TXNL1: variants seen among roughly 807,000 people sequenced by gnomAD.
The protein encoded by TXNL1 is thioredoxin-like protein 1.
In TXNL1, 14 loss-of-function variants were observed where a neutral mutation model predicts 35.5. That is an observed-to-expected ratio of 0.39 (90% confidence interval 0.26 to 0.62). TXNL1 has a LOEUF of 0.62. TXNL1 is among the 20% of genes least tolerant of loss of function. The pLI is 0.47. For synonymous variants in TXNL1, 110 were observed against 115.5 expected (o/e 0.95, Z 0.31); for missense variants, 263 against 349.7 (o/e 0.75, Z 1.98).
intron 7 of TXNL1, chr18:56,608,619 T>G (rs1334394594): frequency 1.3e-5 from 2 of 152,270 alleles, no homozygotes; most frequent in Admixed American, 6.5e-5. Context: ...TTTTTTGCCT[T>G]TTAGACTCTT....
chr18:56,605,722 T>C (rs2023881947), intron 7 of TXNL1, among the ~76,000 whole-genome samples: 1 of 152,316 alleles, frequency 6.6e-6, no homozygotes, highest in South Asian at 2.1e-4. Context: ...GCGTGATGCC[T>C]ATAAGAGCCA....
chr18:56,608,295 T>A (rs377307990), intron 7 of TXNL1: 7 of 152,216 alleles, frequency 4.6e-5, no homozygotes, highest in East Asian at 1.9e-4. Context: ...ATTGAAGTTG[T>A]TACTTTGTAC....
Position 56,600,934 on chromosome 18 carries a change from C to T in TXNL1, c.*2093G>A, listed in dbSNP as rs1412687732. 1 of 152,124 alleles carries T rather than the reference C, an allele frequency of 6.6e-6. No individual in the cohort carries two copies. 9.4% of individuals were successfully genotyped at this position (152,124 alleles called of 1,614,324 possible). ...TCAAAAGCACCTGATGTCAATGTAT[C>T]AAAATACAGAGATCATGAAATTCTT... On this transcript the variant is annotated 3_prime_UTR_variant, in exon 8 of 8. Coordinates refer to ENST00000217515, the MANE Select transcript of TXNL1 (RefSeq NM_004786.3).
At chr18:56,619,706 C>A (rs2024150955) in intron 3 of TXNL1, among the ~76,000 whole-genome samples, 1 of 152,034 alleles carries the variant, frequency 6.6e-6, no homozygotes, top group Non-Finnish European at 1.5e-5. Flanking sequence ...CACTTCCATA[C>A]CTCCCACACA....
At chr18:56,628,037 C>T (rs955089636) in intron 1 of TXNL1, among the ~76,000 whole-genome samples, 3 of 151,952 alleles carry the variant, frequency 2.0e-5, no homozygotes. Flanking sequence ...AAGACTGAAA[C>T]CCAAAAGAAA....
Position 56,602,467 on chromosome 18 carries a change from G to C in TXNL1, c.*560C>G, listed in dbSNP as rs942909036. 1 of 144,250 alleles carries C rather than the reference G, an allele frequency of 6.9e-6. No homozygotes were observed. Among genetic ancestry groups the C allele is most frequent in the African/African-American group, 2.6e-5 (1 of 38,466 alleles). 8.9% of individuals were successfully genotyped at this position (144,250 alleles called of 1,614,324 possible). A position where few individuals can be genotyped will look rare whatever the true frequency, so the allele number is the denominator to read the frequency against. ...TAAAATCTTGATATATACCAAGAAA[G>C]AATCTGTGGACCCATTAGCTAAGTT... On this transcript the variant is annotated 3_prime_UTR_variant, in exon 8 of 8. Coordinates refer to ENST00000217515, the MANE Select transcript of TXNL1 (RefSeq NM_004786.3).
chr18:56,628,729 T>C (rs1650491514), intron 1 of TXNL1, among the ~76,000 whole-genome samples: 1 of 152,238 alleles, frequency 6.6e-6, no homozygotes. Flanking sequence ...ATTAAATAGG[T>C]GTGTTCAGTT....
chr18:56,613,013 AT>A (rs976505162), intron 6 of TXNL1, among the ~76,000 whole-genome samples: 4 of 151,620 alleles, frequency 2.6e-5, no homozygotes, highest in Non-Finnish European at 5.9e-5. Flanking sequence ...TAGTTCTTGT[AT>A]TTTTTTGTAG....
At chr18:56,636,650 T>G (rs1179919781) in intron 1 of TXNL1, among the ~76,000 whole-genome samples, 1 of 152,228 alleles carries the variant, frequency 6.6e-6, no homozygotes, top group Non-Finnish European at 1.5e-5. Context: ...ATGCTTATGC[T>G]TAAGTGACAC....
intron 3 of TXNL1, among the ~76,000 whole-genome samples, chr18:56,622,521 A>C (rs544924476): frequency 7.5e-4 from 115 of 152,336 alleles, no homozygotes; most frequent in African/African-American, 2.7e-3. Context: ...TCAAAACTTT[A>C]ATGTCTTGAT....
intron 1 of TXNL1, among the ~76,000 whole-genome samples, chr18:56,630,674 T>G (rs1598924049): frequency 6.6e-6 from 1 of 152,208 alleles, no homozygotes; most frequent in Admixed American, 6.5e-5. Context: ...ATCTTGCAGC[T>G]GAACAGACTA....
At chr18:56,610,922 T>C (rs970243798) in intron 7 of TXNL1, 71 bp downstream of exon 7, 3 of 996,532 alleles carry the variant, frequency 3.0e-6, no homozygotes, top group African/African-American at 1.7e-5. Context: ...AGTGTGACAG[T>C]TGAGATACAT....
Position 56,616,308 on chromosome 18 carries a change from T to C in TXNL1, c.499A>G (p.Ile167Val). 1 of 1,613,482 alleles carries C rather than the reference T, an allele frequency of 6.2e-7. No homozygotes were observed. Among genetic ancestry groups the C allele is most frequent in the Non-Finnish European group, 8.5e-7 (1 of 1,179,772 alleles). ...LESDCDEQLL[I>V]TVAFNQPVKL... ...ACAGGTTGATTGAATGCCACAGTAA[T>C]AAGCAGCTGTGAAGATAAGAGTTTC... Residue 167 changes from isoleucine (I) to valine (V), a missense_variant, in exon 5 of 8, where the codon ATT becomes GTT. By Grantham distance (29) the Ile-to-Val change is conservative. Coordinates refer to ENST00000217515, the MANE Select transcript of TXNL1 (RefSeq NM_004786.3).
rs2023802256 is a variant in TXNL1, at chr18:56,600,868, T to C, written c.*2159A>G. ...GACTTCCTACTGCAATACCTGACTTTCGTTTCTATTATGAACACGATATTT... is the reference window on the plus strand; with the variant it reads ...GACTTCCTACTGCAATACCTGACTTCCGTTTCTATTATGAACACGATATTT... On this transcript the variant is annotated 3_prime_UTR_variant, in exon 8 of 8. Transcript: ENST00000217515. 6.6e-6 allele frequency: 1 copy of C among 152,218 alleles called. No homozygotes were observed. The highest frequency in any genetic ancestry group is 1.5e-5 in the Non-Finnish European group (1 of 68,038). 9.4% of individuals were successfully genotyped at this position (152,218 alleles called of 1,614,324 possible).
At chr18:56,626,845 C>A (rs2024292050) in intron 1 of TXNL1, among the ~76,000 whole-genome samples, 1 of 112,050 alleles carries the variant, frequency 8.9e-6, no homozygotes, top group Non-Finnish European at 1.7e-5. Flanking sequence ...CATTCTATAA[C>A]CCAGGCCAGA....
At chr18:56,637,937 C>G (rs1187870512) in intron 1 of TXNL1, among the ~76,000 whole-genome samples, 1 of 152,110 alleles carries the variant, frequency 6.6e-6, no homozygotes, top group Non-Finnish European at 1.5e-5. Flanking sequence ...ACAAAGTGTT[C>G]GGTAAATTAA....
Position 56,638,373 on chromosome 18 carries a change from C to G in TXNL1, c.68G>C (p.Arg23Thr). 1 of 1,613,606 alleles carries G rather than the reference C, an allele frequency of 6.2e-7. No individual in the cohort carries two copies. ...CATGGTGAACTTGACCACGGCGAGT[C>G]TGGAGCCCGCGCCGCTCAGCTCTGG... ...FQPELSGAGS[R>T]LAVVKFTMRG... Residue 23 changes from arginine (R) to threonine (T), a missense_variant, in exon 1 of 8, where the codon AGA (arginine) becomes ACA (threonine). Transcript: ENST00000217515.
chr18:56,606,646 G>GA (rs2144279104), intron 7 of TXNL1, among the ~76,000 whole-genome samples: 1 of 152,302 alleles, frequency 6.6e-6, no homozygotes, highest in South Asian at 2.1e-4. Context: ...GTCGTTGGGG[G>GA]AAAAGGAAAA....
At position 56,599,875 on chromosome 18, in the gene TXNL1, G is replaced by A. The variant is rs988466928; in HGVS notation, c.*3152C>T. ...TTCCCAGCTGGATTTCTTACTCTAA[G>A]TTACTTATCTTAAAAAAAAAATAGT... is the stretch of plus-strand genomic sequence containing the variant. On this transcript the variant is annotated 3_prime_UTR_variant, in exon 8 of 8. Transcript: ENST00000217515. The A allele has an allele frequency of 6.6e-6, 1 of 151,708 alleles. No individual in the cohort carries two copies. The highest frequency in any genetic ancestry group is 1.5e-5 in the Non-Finnish European group (1 of 67,924). The allele number at this position is 151,708 out of a possible 1,614,324, so 9.4% of individuals were successfully genotyped here. A position where few individuals can be genotyped will look rare whatever the true frequency, so the allele number is the denominator to read the frequency against.
Sources: gnomAD v4.1 joint callset for allele counts (sites outside exome capture counted in the v4.1 genomes callset) on GRCh38, gnomAD v4.1.1 for gene constraint, MANE v1.5 for transcripts, NCBI Gene and HGNC (gene_info 2026-07-23, HGNC 2026-07-21) for gene names.